The following KASH5 variants were observed in gnomAD, a reference collection of about 807,000 sequenced individuals.
KASH5 encodes KASH domain containing 5, also known as protein KASH5.
KASH5 carries 72 observed loss-of-function variants against 84.2 expected under a neutral mutation model. That is an observed-to-expected ratio of 0.85 (90% CI 0.71 to 1.04). KASH5 has a LOEUF of 1.04. Ranked by LOEUF, KASH5 falls within the 50% of genes least tolerant of loss-of-function variation. The pLI is 0.00. For synonymous variants in KASH5, 260 were observed against 279.1 expected (o/e 0.93, Z 0.68); for missense variants, 650 against 701.0 (o/e 0.93, Z 0.82).
chr19:49,410,975 G>A (rs905965670), intron 15 of KASH5, among the ~76,000 whole-genome samples: 1 of 149,332 alleles, frequency 6.7e-6, no homozygotes, highest in Non-Finnish European at 1.5e-5. Flanking sequence ...TCGCTTCTCT[G>A]TTGCCCCGGC....
intron 9 of KASH5, among the ~76,000 whole-genome samples, chr19:49,406,599 A>C (rs967947498): frequency 1.0e-3 from 152 of 150,296 alleles, no homozygotes; most frequent in African/African-American, 3.6e-3. Context: ...CTGGTCTTGA[A>C]CTCCTGACCT....
In KASH5 at chr19:49,411,959, GGAAGGAAGGAAGGAAAGAAGGA is replaced by G. The variant is rs1568623105; in HGVS notation, c.1270-1008_1270-987del. Among the ~76,000 whole-genome samples the G allele has an allele frequency of 4.5e-3, 642 of 142,386 alleles. 2 individuals are homozygous for G. The highest frequency in any genetic ancestry group is 0.017 in the African/African-American group (607 of 36,422). 93.4% of individuals were successfully genotyped at this position (142,386 alleles called of 152,430 possible). ...AGGAAGGAAGGAAGGAAGGAAGGAAGGAAGGAAGGAAGGAAAGAAGGAAGCCAGCCTTTGAGGCACTAGCACA... is the reference window on the plus strand; with the variant it reads ...AGGAAGGAAGGAAGGAAGGAAGGAAGAGCCAGCCTTTGAGGCACTAGCACA... On this transcript the variant is annotated intron_variant, in intron 15 of 19. Transcript: ENST00000447857.
chr19:49,417,160 C>A lies in KASH5; in HGVS notation c.1441C>A (p.Pro481Thr), dbSNP rs1296519163. The A allele has an allele frequency of 8.1e-6, 13 of 1,613,468 alleles. No homozygotes were observed. Among genetic ancestry groups the A allele is most frequent in the Admixed American group, 1.7e-5 (1 of 59,960 alleles). ...GDIPENPPER[P>T]ARRELQQALV... ...TGATTCCCTCCTTCACCCCAGCAGA[C>A]CTGCGCGGCGGGAACTCCAGCAAGC... The change falls in exon 19 of 20, where the codon CCT becomes ACT. Residue 481 changes from proline (P) to threonine (T), a missense_variant and splice_region_variant. Physicochemically the swap from Pro to Thr is conservative, Grantham distance 38 (BLOSUM62 -1). Coordinates refer to ENST00000447857, the MANE Select transcript of KASH5 (RefSeq NM_144688.5). The surrounding 1 kb of genome is among the most constrained non-coding windows in gnomAD (Gnocchi z 5.2).
At chr19:49,407,003 C>G (rs1223938745) in intron 10 of KASH5, 40 bp downstream of exon 10, 1 of 1,543,962 alleles carries the variant, frequency 6.5e-7, no homozygotes, top group East Asian at 2.4e-5. Context: ...TTCCACCACC[C>G]CGGGGCCATT....
intron 11 of KASH5, 42 bp downstream of exon 11, chr19:49,407,338 C>A: frequency 6.3e-7 from 1 of 1,593,546 alleles, no homozygotes; most frequent in Non-Finnish European, 8.6e-7. Context: ...TTTCCATGTG[C>A]ACCAGCCACT....
Position 49,395,700 on chromosome 19 carries a change from C to T in KASH5, c.336-69C>T, listed in dbSNP as rs1974152109. The T allele has an allele frequency of 3.4e-6, 5 of 1,482,086 alleles. No homozygotes were observed. Among genetic ancestry groups the T allele is most frequent in the South Asian group, 2.4e-5 (2 of 82,202 alleles). The allele number at this position is 1,482,086 out of a possible 1,614,324, so 91.8% of individuals were successfully genotyped here. A position where few individuals can be genotyped will look rare whatever the true frequency, so the allele number is the denominator to read the frequency against. On this transcript the variant is annotated intron_variant, in intron 4 of 19. Transcript: ENST00000447857. This position sits in a 1 kb window ranked among gnomAD's most constrained non-coding sequence, Gnocchi z 4.4. Reference sequence around the variant, plus strand: ...GTCCCCTCCTCCCACCTGCAATCCCCCTGCCTGTGGCTGGTGAGGACTGAG... The same window carrying T: ...GTCCCCTCCTCCCACCTGCAATCCCTCTGCCTGTGGCTGGTGAGGACTGAG...
intron 17 of KASH5, chr19:49,415,498 G>C (rs1348364547): frequency 4.7e-6 from 1 of 212,870 alleles, no homozygotes; most frequent in African/African-American, 2.3e-5. Flanking sequence ...AAAGAAACTT[G>C]GTAAGGAGAG....
intron 9 of KASH5, among the ~76,000 whole-genome samples, chr19:49,402,714 A>T (rs541666419): frequency 2.2e-4 from 34 of 152,280 alleles, no homozygotes; most frequent in African/African-American, 6.3e-4. Flanking sequence ...CTCAAAAAAA[A>T]TTTTTAAAAA....
intron 11 of KASH5, 121 bp from the exon 12 acceptor site, chr19:49,407,491 C>T (rs2122188195): frequency 1.7e-6 from 2 of 1,190,962 alleles, no homozygotes; most frequent in Middle Eastern, 2.2e-4. Flanking sequence ...CTCCCTTGTG[C>T]CCCAGCTCTT....
In KASH5 at chr19:49,413,102, G is replaced by A. The variant is rs143637790; in HGVS notation, c.1328+76G>A. The stretch of plus-strand genomic sequence containing the variant: ...TGTTTACAGTAGGAGGACTGGATGT[G>A]CCCTGAGGGGATCGGCATTCATTCA... On this transcript the variant is annotated intron_variant, in intron 16 of 19. Transcript: ENST00000447857. 4.1e-4 allele frequency: 579 copies of A among 1,395,244 alleles called. 1 individual carries two copies. The African/African-American group carries it at 5.7e-3, about 14-fold the overall frequency. The allele number at this position is 1,395,244 out of a possible 1,614,324, so 86.4% of individuals were successfully genotyped here.
At chr19:49,407,772 C>A in intron 12 of KASH5, 101 bp downstream of exon 12, 2 of 1,135,344 alleles carry the variant, frequency 1.8e-6, no homozygotes, top group Non-Finnish European at 2.6e-6. Flanking sequence ...TTGTCAGTGG[C>A]CACATCTTGC....
chr19:49,391,364 GT>G (rs1973998949), intron 2 of KASH5, among the ~76,000 whole-genome samples: 2 of 152,232 alleles, frequency 1.3e-5, no homozygotes, highest in South Asian at 4.1e-4. Flanking sequence ...ATTCACTCTG[GT>G]ATTCCCAGTC....
chr19:49,413,609 G>A (rs1015013741), intron 16 of KASH5, among the ~76,000 whole-genome samples: 3 of 152,186 alleles, frequency 2.0e-5, no homozygotes, highest in African/African-American at 4.8e-5. Flanking sequence ...GAGATTGGGC[G>A]GGATGGGAGC....
Position 49,406,891 on chromosome 19 carries a change from G to A in KASH5, c.804G>A (p.Gly268=), listed in dbSNP as rs1974543645. The A allele has an allele frequency of 6.2e-7, 1 of 1,605,628 alleles. No homozygotes were observed. The highest frequency in any genetic ancestry group is 8.5e-7 in the Non-Finnish European group (1 of 1,176,002). ...AEMETLQEEN[G]KLLAERDGVK... is the part of the protein sequence containing the mutation. ...CCAGCCATTCCTTCTTCTAGAACGGGAAGCTGCTTGCCGAGCGGGATGGAG... is the reference window on the plus strand; with the variant it reads ...CCAGCCATTCCTTCTTCTAGAACGGAAAGCTGCTTGCCGAGCGGGATGGAG... Residue 268 remains glycine (G), a synonymous_variant, in exon 10 of 20, where the codon GGG becomes GGA. Transcript: ENST00000447857.
chr19:49,407,248 CTT>C lies in KASH5; in HGVS notation c.887_888del (p.Phe296Ter), dbSNP rs1293065842. 3 of 1,613,814 alleles carry C rather than the reference CTT, an allele frequency of 1.9e-6. No individual in the cohort carries two copies. ...MEKDTLKRQL[F>X]ECEHLICQRD... ...GGCTCCTTTCTTGGCAGCGGCAGCT[CTT>C]TGAGTGTGAACACCTCATTTGCCAA... is the stretch of plus-strand genomic sequence containing the variant. On this transcript the variant is annotated frameshift_variant, in exon 11 of 20. Transcript: ENST00000447857. LOFTEE classifies it high-confidence loss of function.
At chr19:49,413,685 G>A (rs1471497240) in intron 16 of KASH5, among the ~76,000 whole-genome samples, 4 of 152,194 alleles carry the variant, frequency 2.6e-5, no homozygotes, top group Admixed American at 2.6e-4. Context: ...AGCAGTAGTG[G>A]AAGTGGGGGA....
intron 9 of KASH5, among the ~76,000 whole-genome samples, chr19:49,404,789 G>C (rs566926171): frequency 1.3e-5 from 2 of 152,288 alleles, no homozygotes; most frequent in African/African-American, 4.8e-5. Context: ...AACCAGACTT[G>C]GCATTACTCC....
At chr19:49,401,303 G>A (rs2122151014) in intron 9 of KASH5, among the ~76,000 whole-genome samples, 1 of 152,250 alleles carries the variant, frequency 6.6e-6, no homozygotes, top group Admixed American at 6.5e-5. Context: ...CTCATGGTGG[G>A]GAGATGTGGC....
At chr19:49,408,580 C>G (rs932040989) in intron 12 of KASH5, among the ~76,000 whole-genome samples, 26 of 152,246 alleles carry the variant, frequency 1.7e-4, no homozygotes, top group African/African-American at 6.3e-4. Context: ...TCCCAAGTAG[C>G]TGGGACTACA....
Sources: gnomAD v4.1 joint callset for allele counts (sites outside exome capture counted in the v4.1 genomes callset) on GRCh38, gnomAD v4.1.1 for gene constraint, Gnocchi (gnomAD v3.1) non-coding constraint, MANE v1.5 for transcripts, NCBI Gene and HGNC (gene_info 2026-07-23, HGNC 2026-07-21) for gene names.